NDUFAF6: variants seen among roughly 807,000 people sequenced by gnomAD.
NDUFAF6 encodes the protein NADH:ubiquinone oxidoreductase complex assembly factor 6.
In NDUFAF6, 45 loss-of-function variants were observed where a neutral mutation model predicts 40.8. The ratio of observed to expected loss-of-function variants is 1.10; its 90% CI spans 0.87 to 1.42. The LOEUF (loss-of-function observed/expected upper bound fraction) is 1.42. Among genes scored for constraint, NDUFAF6 ranks in the 40% most tolerant of loss-of-function variants. The pLI, the probability that NDUFAF6 is intolerant of heterozygous loss-of-function variation, is 0.00. For synonymous variants in NDUFAF6, 185 were observed against 155.9 expected, an observed-to-expected ratio of 1.19 and a Z score of -1.39; for missense variants, 435 against 418.5, an observed-to-expected ratio of 1.04 and a Z score of -0.34.
intron 9 of NDUFAF6, among the ~76,000 whole-genome samples, chr8:95,065,091 A>G (rs1351926596): frequency 6.6e-6 from 1 of 152,148 alleles, no homozygotes; most frequent in African/African-American, 2.4e-5. Context: ...CTTCATCTGT[A>G]TCCTTTATAA....
At chr8:95,066,517 T>G (rs889406850) in intron 9 of NDUFAF6, among the ~76,000 whole-genome samples, 4 of 152,182 alleles carry the variant, frequency 2.6e-5, no homozygotes, top group Non-Finnish European at 5.9e-5. Context: ...ACTCTTCACT[T>G]GATCATTTTC....
intron 2 of NDUFAF6, among the ~76,000 whole-genome samples, chr8:95,034,883 ATT>A (rs879728933): frequency 7.7e-5 from 11 of 142,676 alleles, no homozygotes; most frequent in East Asian, 2.0e-4. Flanking sequence ...TAAGAAGGCC[ATT>A]TTTTTTTTTT....
chr8:95,023,076 ATTAGAT>A (rs1276176223), upstream of NDUFAF6: 1 of 152,214 alleles, frequency 6.6e-6, no homozygotes, highest in Non-Finnish European at 1.5e-5. Flanking sequence ...AAACTTTAAA[ATTAGAT>A]TTAGAAGCTT....
chr8:94,977,234 G>A (rs921734682), intron 1 of NDUFAF6, among the ~76,000 whole-genome samples: 1 of 151,434 alleles, frequency 6.6e-6, no homozygotes, highest in Non-Finnish European at 1.5e-5. Context: ...GATATGGGCC[G>A]GGTGCAGTGG....
At chr8:95,117,818 T>G (rs1810166403), downstream of NDUFAF6, among the ~76,000 whole-genome samples, 1 of 152,200 alleles carries the variant, frequency 6.6e-6, no homozygotes, top group Non-Finnish European at 1.5e-5. Flanking sequence ...GGTGGAGTTG[T>G]AAGAACAAAG....
chr8:95,024,651 A>T (rs1301184023), upstream of NDUFAF6, among the ~76,000 whole-genome samples: 1 of 152,218 alleles, frequency 6.6e-6, no homozygotes, highest in Non-Finnish European at 1.5e-5. Context: ...TTCTGTTCTC[A>T]TGGTGGATTT....
At chr8:94,985,222 A>G (rs536453449) in intron 2 of NDUFAF6, among the ~76,000 whole-genome samples, 6 of 151,994 alleles carry the variant, frequency 3.9e-5, no homozygotes, top group African/African-American at 1.4e-4. Context: ...CACTGGAGCT[A>G]TGGCAGCCAT....
chr8:94,991,527 A>G (rs1487829930), intron 2 of NDUFAF6, among the ~76,000 whole-genome samples: 1 of 152,242 alleles, frequency 6.6e-6, no homozygotes, highest in African/African-American at 2.4e-5. Context: ...GATTTGCTAT[A>G]TGAATCTAAT....
downstream of NDUFAF6, among the ~76,000 whole-genome samples, chr8:95,116,726 C>G (rs1810143975): frequency 6.6e-6 from 1 of 152,188 alleles, no homozygotes; most frequent in Non-Finnish European, 1.5e-5. Flanking sequence ...GAAAGTGACT[C>G]TGTGTGACTG....
At chr8:94,980,638 G>GT (rs1469139150) in intron 1 of NDUFAF6, among the ~76,000 whole-genome samples, 4 of 133,044 alleles carry the variant, frequency 3.0e-5, no homozygotes, top group African/African-American at 1.1e-4. Flanking sequence ...TAGGGGGGTG[G>GT]GGGGGTCTCA....
chr8:95,084,205 A>T (rs930074128), intron 2 of NDUFAF6, among the ~76,000 whole-genome samples: 2 of 151,474 alleles, frequency 1.3e-5, no homozygotes, highest in Admixed American at 6.6e-5. Context: ...TATTCCTAGG[A>T]TTTTTTTTCT....
chr8:95,041,311 T>C (rs1209117420), intron 3 of NDUFAF6, among the ~76,000 whole-genome samples: 2 of 152,238 alleles, frequency 1.3e-5, no homozygotes, highest in Non-Finnish European at 2.9e-5. Context: ...GAAAGTGGAA[T>C]TGTTAAATTA....
chr8:94,983,132 T>C (rs1825579372), intron 2 of NDUFAF6, among the ~76,000 whole-genome samples: 1 of 152,036 alleles, frequency 6.6e-6, no homozygotes, highest in South Asian at 2.1e-4. Flanking sequence ...CTAGGCAAAA[T>C]AGAATAATAA....
chr8:94,917,183 C>T (rs550418), intron 1 of NDUFAF6, among the ~76,000 whole-genome samples: 105,177 of 151,014 alleles, frequency 0.7, 36,974 homozygotes, highest in East Asian at 0.8. Flanking sequence ...AAACAGTGTA[C>T]GTTAACGTAG....
chr8:95,016,931 CTT>C (rs34316218), intron 2 of NDUFAF6, among the ~76,000 whole-genome samples: 2,750 of 107,988 alleles, frequency 0.025, 43 homozygotes, highest in African/African-American at 0.049. Context: ...TCCTCCTCCT[CTT>C]TTTTTTTTTT....
At chr8:95,070,403 A>G (rs1437430782) in intron 9 of NDUFAF6, among the ~76,000 whole-genome samples, 1 of 152,220 alleles carries the variant, frequency 6.6e-6, no homozygotes, top group Non-Finnish European at 1.5e-5. Context: ...TGTCACTTTC[A>G]GAGAAAACCA....
intron 1 of NDUFAF6, chr8:94,930,574 G>A (rs527728622): frequency 5.0e-6 from 8 of 1,614,206 alleles, no homozygotes; most frequent in Admixed American, 3.3e-5. Context: ...TTTTGGCGAC[G>A]AAGGCTATTT....
downstream of NDUFAF6, among the ~76,000 whole-genome samples, chr8:95,063,092 G>T (rs562679980): frequency 3.7e-4 from 57 of 152,338 alleles, no homozygotes; most frequent in African/African-American, 1.4e-3. Flanking sequence ...CCACATTAAG[G>T]TGTTTGGATT....
At chr8:95,028,869 A>T (rs1053417733) in intron 1 of NDUFAF6, among the ~76,000 whole-genome samples, 2 of 152,240 alleles carry the variant, frequency 1.3e-5, no homozygotes, top group Non-Finnish European at 2.9e-5. Context: ...AATACAATTT[A>T]AAAAATGTCA....
Sources: gnomAD v4.1 joint callset for allele counts (sites outside exome capture counted in the v4.1 genomes callset) on GRCh38, gnomAD v4.1.1 for gene constraint, MANE v1.5 for transcripts, NCBI Gene and HGNC (gene_info 2026-07-23, HGNC 2026-07-21) for gene names.